PRKAG2: variants seen among roughly 807,000 people sequenced by gnomAD.
PRKAG2 encodes protein kinase AMP-activated non-catalytic subunit gamma 2.
Under a neutral mutation model 69.6 loss-of-function variants are expected in PRKAG2, and 26 were observed. The observed-to-expected ratio is 0.37, with a 90% CI of 0.27 to 0.52. The LOEUF (loss-of-function observed/expected upper bound fraction) is 0.52. Among genes scored for constraint, PRKAG2 ranks in the 20% least tolerant of loss-of-function variants. The probability of loss-of-function intolerance (pLI) is 0.90; values close to 1 mark genes in which losing one functional copy is unlikely to be tolerated. For missense variants in PRKAG2, 557 were observed against 740.0 expected (o/e 0.75, Z 2.87); for synonymous variants, 293 against 285.0 (o/e 1.03, Z -0.28).
chr7:151,621,718 G>A (rs913715057), intron 5 of PRKAG2, among the ~76,000 whole-genome samples: 10 of 151,936 alleles, frequency 6.6e-5, no homozygotes, highest in African/African-American at 1.9e-4. Context: ...GACCACAGGC[G>A]TGCACCACCA....
At chr7:151,566,204 A>G (rs1806228479) in intron 11 of PRKAG2, among the ~76,000 whole-genome samples, 1 of 152,202 alleles carries the variant, frequency 6.6e-6, no homozygotes, top group African/African-American at 2.4e-5. Context: ...GGATATTAAG[A>G]CCTGTAAGCC....
intron 3 of PRKAG2, among the ~76,000 whole-genome samples, chr7:151,692,263 G>C (rs1835782562): frequency 6.6e-6 from 1 of 152,040 alleles, no homozygotes; most frequent in Admixed American, 6.5e-5. Flanking sequence ...ACACTACTCA[G>C]TAATAAAAAG....
chr7:151,794,667 T>A (rs1309073397), intron 1 of PRKAG2, among the ~76,000 whole-genome samples: 3 of 152,160 alleles, frequency 2.0e-5, no homozygotes, highest in African/African-American at 7.2e-5. Flanking sequence ...TGAGATCGGG[T>A]TTCAGAGGCT....
chr7:151,735,811 A>G lies in PRKAG2; in HGVS notation c.466+45341T>C. On this transcript the variant is annotated intron_variant, in intron 3 of 15. Transcript: ENST00000287878. Reference sequence around the variant, plus strand: ...CAGTTGGAAGAGAGTGGCTGGAAACAGCTACTGCTTAGGAGGGTGTGCACA... The same window carrying G: ...CAGTTGGAAGAGAGTGGCTGGAAACGGCTACTGCTTAGGAGGGTGTGCACA... The G allele has an allele frequency of 4.1e-6, 6 of 1,478,218 alleles. No individual in the cohort carries two copies. The South Asian group carries it at 7.3e-5, about 18-fold the overall frequency. 91.6% of individuals were successfully genotyped at this position (1,478,218 alleles called of 1,614,324 possible). A position where few individuals can be genotyped will look rare whatever the true frequency, so the allele number is the denominator to read the frequency against.
intron 4 of PRKAG2, among the ~76,000 whole-genome samples, chr7:151,665,524 T>A (rs937735497): frequency 6.6e-6 from 1 of 152,190 alleles, no homozygotes; most frequent in African/African-American, 2.4e-5. Context: ...GCTGGGAGAA[T>A]AGACACACTC....
intron 9 of PRKAG2, among the ~76,000 whole-genome samples, chr7:151,571,269 C>T (rs1383454981): frequency 6.6e-6 from 1 of 152,018 alleles, no homozygotes; most frequent in Non-Finnish European, 1.5e-5. Context: ...GACAGGGTTT[C>T]ACCATGTTGG....
At chr7:151,738,473 T>C (rs1237038714) in intron 3 of PRKAG2, among the ~76,000 whole-genome samples, 8 of 152,276 alleles carry the variant, frequency 5.3e-5, no homozygotes, top group Non-Finnish European at 8.8e-5. Context: ...CACTGTGACA[T>C]GTTCATAATG....
intron 1 of PRKAG2, among the ~76,000 whole-genome samples, chr7:151,839,023 A>G (rs1474365524): frequency 1.4e-5 from 2 of 148,122 alleles, no homozygotes; most frequent in African/African-American, 4.9e-5. Context: ...AAAAAAAAAA[A>G]AAAAAAAATA....
intron 3 of PRKAG2, among the ~76,000 whole-genome samples, chr7:151,680,129 T>G (rs1281672911): frequency 3.3e-5 from 5 of 152,156 alleles, no homozygotes; most frequent in South Asian, 2.1e-4. Flanking sequence ...AAACAGGTAC[T>G]CTGTGGTGCC....
chr7:151,742,350 C>A (rs1181465389), intron 3 of PRKAG2, among the ~76,000 whole-genome samples: 1 of 152,124 alleles, frequency 6.6e-6, no homozygotes, highest in Non-Finnish European at 1.5e-5. Context: ...GTTTAAAAAT[C>A]CTGACTGTGG....
chr7:151,577,320 G>A (rs1434692857), intron 6 of PRKAG2, among the ~76,000 whole-genome samples: 1 of 151,914 alleles, frequency 6.6e-6, no homozygotes, highest in Non-Finnish European at 1.5e-5. Flanking sequence ...AATATCTTTT[G>A]GGATACCATA....
At chr7:151,819,149 C>T (rs951094374) in intron 1 of PRKAG2, among the ~76,000 whole-genome samples, 5 of 152,282 alleles carry the variant, frequency 3.3e-5, no homozygotes, top group Middle Eastern at 6.8e-3. Context: ...CACCCAGCCC[C>T]GGTGACCTGG....
Position 151,763,234 on chromosome 7 carries a change from C to T in PRKAG2, c.466+17918G>A, listed in dbSNP as rs114343562. On this transcript the variant is annotated intron_variant, in intron 3 of 15. Transcript: ENST00000287878. ...CCTAAAAAGGCCACACACAGTCAGA[C>T]GCAGCCAAGGCAGGTCTCACGCTAA... 2.8e-3 allele frequency among the ~76,000 whole-genome samples: 428 copies of T among 152,354 alleles called. 2 individuals are homozygous for T. Among genetic ancestry groups the T allele is most frequent in the African/African-American group, 9.7e-3 (402 of 41,582 alleles).
Position 151,777,918 on chromosome 7 carries a change from CT to C in PRKAG2, c.466+3233del, listed in dbSNP as rs2076466970. Among the ~76,000 whole-genome samples, 1 of 152,170 alleles carries C rather than the reference CT, an allele frequency of 6.6e-6. No individual in the cohort carries two copies. Among genetic ancestry groups the C allele is most frequent in the Non-Finnish European group, 1.5e-5 (1 of 68,022 alleles). On this transcript the variant is annotated intron_variant, in intron 3 of 15. Coordinates refer to ENST00000287878, the MANE Select transcript of PRKAG2 (RefSeq NM_016203.4). This position sits in a 1 kb window ranked among gnomAD's most constrained non-coding sequence, Gnocchi z 4.3. The stretch of plus-strand genomic sequence containing the variant: ...CAGGTGTAGTTTCTATGATCTCGTA[CT>C]GCTCTGGGGTCATGGAGCCAGAGGT...
chr7:151,620,047 AAAAT>A (rs1420759754), intron 5 of PRKAG2, among the ~76,000 whole-genome samples: 82 of 152,044 alleles, frequency 5.4e-4, no homozygotes, highest in African/African-American at 1.7e-3. Flanking sequence ...AATAAAAATA[AAAAT>A]AAATAAATAA....
chr7:151,754,111 C>A (rs1044867034), intron 3 of PRKAG2, among the ~76,000 whole-genome samples: 1 of 152,214 alleles, frequency 6.6e-6, no homozygotes, highest in African/African-American at 2.4e-5. Context: ...GGGAGCATCA[C>A]CAAAGCAGGC....
At chr7:151,656,864 C>G (rs546408228) in intron 4 of PRKAG2, among the ~76,000 whole-genome samples, 1 of 152,038 alleles carries the variant, frequency 6.6e-6, no homozygotes, top group African/African-American at 2.4e-5. Flanking sequence ...AGGCCAGGCT[C>G]GGTGGCTCAC....
At chr7:151,612,392 C>G (rs1819088668) in intron 5 of PRKAG2, among the ~76,000 whole-genome samples, 1 of 152,186 alleles carries the variant, frequency 6.6e-6, no homozygotes, top group African/African-American at 2.4e-5. Context: ...CTTGTCAACT[C>G]TAAAATCACA....
chr7:151,745,180 G>A (rs904434346), intron 3 of PRKAG2, among the ~76,000 whole-genome samples: 4 of 152,150 alleles, frequency 2.6e-5, no homozygotes, highest in African/African-American at 9.7e-5. Context: ...TGCGGATCAC[G>A]AGGCCATACC....
Sources: allele counts gnomAD v4.1 joint callset (sites outside exome capture counted in the v4.1 genomes callset), GRCh38; gene constraint gnomAD v4.1.1; non-coding constraint Gnocchi (gnomAD v3.1); transcripts MANE v1.5; gene names NCBI Gene and HGNC (gene_info 2026-07-23, HGNC 2026-07-21).